The following HIF1A variants were observed in gnomAD, a reference collection of about 807,000 sequenced individuals.
HIF1A encodes the protein hypoxia-inducible factor 1-alpha.
A neutral mutation model predicts 92.7 loss-of-function variants in HIF1A; 24 were observed. The observed-to-expected ratio is 0.26, with a 90% CI of 0.19 to 0.36. HIF1A has a LOEUF of 0.36. Among genes scored for constraint, HIF1A ranks in the 10% least tolerant of loss-of-function variants. The pLI, the probability that HIF1A is intolerant of heterozygous loss-of-function variation, is 1.00. For missense variants in HIF1A, 799 were observed against 998.5 expected (o/e 0.80, Z 2.69); for synonymous variants, 319 against 338.7 (o/e 0.94, Z 0.64).
chr14:61,726,636 C>T (rs1477966452), intron 4 of HIF1A, 70 bp from the exon 5 acceptor site: 2 of 905,372 alleles, frequency 2.2e-6, no homozygotes, highest in Non-Finnish European at 3.4e-6. Flanking sequence ...GTGATGGGCA[C>T]TTTGTTACTT....
At chr14:61,705,563 T>C (rs923708556) in intron 1 of HIF1A, among the ~76,000 whole-genome samples, 5 of 152,148 alleles carry the variant, frequency 3.3e-5, no homozygotes, top group East Asian at 1.9e-4. Context: ...TAAAAAATAG[T>C]CCCAAATTTC....
In HIF1A at chr14:61,704,694, T is replaced by C. The variant is rs574010445; in HGVS notation, c.35+8855T>C. Among the ~76,000 whole-genome samples, 6 of 152,300 alleles carry C rather than the reference T, an allele frequency of 3.9e-5. No homozygotes were observed. The South Asian group carries it at 1.2e-3, about 32-fold the overall frequency. ...CTTGAATAATTTAAGTTGACTTATT[T>C]CAGTGGTTCAAAAAATTTCTTCAAC... On this transcript the variant is annotated intron_variant, in intron 1 of 14. Coordinates refer to ENST00000337138, the MANE Select transcript of HIF1A (RefSeq NM_001530.4).
In HIF1A at chr14:61,731,908, G is replaced by A. The variant is rs562354985; in HGVS notation, c.774-510G>A. Among the ~76,000 whole-genome samples the A allele has an allele frequency of 5.3e-5, 8 of 152,296 alleles. No individual in the cohort carries two copies. The East Asian group carries it at 1.2e-3, about 22-fold the overall frequency. On this transcript the variant is annotated intron_variant, in intron 6 of 14. Transcript: ENST00000337138. ...TCCCAGTACTTTGGGAGGCCAAGGCGGGTGAATTACCTGAGTTCAGGAGTT... is the reference window on the plus strand; with the variant it reads ...TCCCAGTACTTTGGGAGGCCAAGGCAGGTGAATTACCTGAGTTCAGGAGTT...
intron 1 of HIF1A, among the ~76,000 whole-genome samples, chr14:61,699,981 T>C (rs2044160975): frequency 6.6e-6 from 1 of 152,190 alleles, no homozygotes; most frequent in Admixed American, 6.5e-5. Flanking sequence ...TGTTCATGTT[T>C]TCTGCAGTAG....
rs568737687 is a variant in HIF1A, at chr14:61,746,853, G to A, written c.2330-81G>A. The A allele has an allele frequency of 4.2e-4, 475 of 1,131,350 alleles. 5 individuals carry two copies. In the South Asian group the frequency reaches 7.4e-3, roughly 18 times the overall value. The allele number at this position is 1,131,350 out of a possible 1,614,324, so 70.1% of individuals were successfully genotyped here. A position where few individuals can be genotyped will look rare whatever the true frequency, so the allele number is the denominator to read the frequency against. On this transcript the variant is annotated intron_variant, in intron 14 of 14. Transcript: ENST00000337138. ...TCCAGAATTTTGCTTTATTTTCTAT[G>A]ATACCTAACACATTGTGGGTGTTTA...
chr14:61,731,604 T>C (rs2044576461), intron 6 of HIF1A, among the ~76,000 whole-genome samples: 1 of 152,044 alleles, frequency 6.6e-6, no homozygotes, highest in Non-Finnish European at 1.5e-5. Flanking sequence ...TGGTTGATGA[T>C]ATTAGAATTG....
intron 1 of HIF1A, among the ~76,000 whole-genome samples, chr14:61,709,920 T>G (rs1290582393): frequency 6.6e-6 from 1 of 152,224 alleles, no homozygotes; most frequent in Admixed American, 6.5e-5. Flanking sequence ...TGTCAGTTCA[T>G]GGTGAATTTT....
intron 2 of HIF1A, among the ~76,000 whole-genome samples, chr14:61,721,231 A>G (rs987314876): frequency 1.3e-5 from 2 of 152,064 alleles, no homozygotes; most frequent in African/African-American, 4.8e-5. Flanking sequence ...GCAGAGTGAG[A>G]CTCCATCTCA....
intron 1 of HIF1A, among the ~76,000 whole-genome samples, chr14:61,711,712 GC>G (rs2140128343): frequency 6.6e-6 from 1 of 152,236 alleles, no homozygotes; most frequent in Admixed American, 6.5e-5. Context: ...TGTGGCTAAT[GC>G]CTGTGTTTGC....
chr14:61,728,201 T>C lies in HIF1A; in HGVS notation c.773+546T>C, dbSNP rs553271628. Among the ~76,000 whole-genome samples, 5 of 152,330 alleles carry C rather than the reference T, an allele frequency of 3.3e-5. No individual in the cohort carries two copies. In the East Asian group the frequency reaches 5.8e-4, roughly 18 times the overall value. On this transcript the variant is annotated intron_variant, in intron 6 of 14. Coordinates refer to ENST00000337138, the MANE Select transcript of HIF1A (RefSeq NM_001530.4). Reference sequence around the variant, plus strand: ...TATCCAGAAGTTAAGATGAGTCTTTTTTTCCCCAATAGGGGCTCTACTTAC... The same window carrying C: ...TATCCAGAAGTTAAGATGAGTCTTTCTTTCCCCAATAGGGGCTCTACTTAC...
intron 1 of HIF1A, among the ~76,000 whole-genome samples, chr14:61,714,027 A>G (rs537139869): frequency 2.0e-5 from 3 of 151,584 alleles, no homozygotes; most frequent in Non-Finnish European, 4.4e-5. Flanking sequence ...CAGAGGGGGG[A>G]AAAAAGCTGT....
intron 8 of HIF1A, among the ~76,000 whole-genome samples, chr14:61,735,594 G>C (rs186694995): frequency 2.8e-4 from 42 of 152,164 alleles, no homozygotes; most frequent in Non-Finnish European, 4.9e-4. Flanking sequence ...TAAGGTCAAG[G>C]GTTGGCTATT....
At chr14:61,728,217 CT>C (rs2044531703) in intron 6 of HIF1A, among the ~76,000 whole-genome samples, 1 of 152,154 alleles carries the variant, frequency 6.6e-6, no homozygotes. Flanking sequence ...CCAATAGGGG[CT>C]CTACTTACTT....
At chr14:61,708,777 G>A (rs2044274404) in intron 1 of HIF1A, among the ~76,000 whole-genome samples, 1 of 152,158 alleles carries the variant, frequency 6.6e-6, no homozygotes, top group African/African-American at 2.4e-5. Context: ...GGATTGACTT[G>A]GCAAGCATTC....
At chr14:61,722,278 A>C (rs892607431) in intron 4 of HIF1A, among the ~76,000 whole-genome samples, 2 of 152,116 alleles carry the variant, frequency 1.3e-5, no homozygotes, top group African/African-American at 4.8e-5. Flanking sequence ...TGTAGAGACA[A>C]AGTCTCACTA....
intron 1 of HIF1A, among the ~76,000 whole-genome samples, chr14:61,710,307 A>T (rs1382123833): frequency 6.6e-6 from 1 of 152,218 alleles, no homozygotes; most frequent in Non-Finnish European, 1.5e-5. Flanking sequence ...CTGGATAACA[A>T]CAAGCAATGT....
At position 61,712,316 on chromosome 14, in the gene HIF1A, G is replaced by C. The variant is rs567329504; in HGVS notation, c.36-8066G>C. 9.9e-5 allele frequency among the ~76,000 whole-genome samples: 15 copies of C among 152,068 alleles called. No homozygotes were observed. The South Asian group carries it at 3.1e-3, about 32-fold the overall frequency. On this transcript the variant is annotated intron_variant, in intron 1 of 14. Transcript: ENST00000337138. ...TTAAGAACAGTAAGGAGGCTAGTAT[G>C]GTTAGAACAGAATGAGCAAAGGGGG... is the stretch of plus-strand genomic sequence containing the variant.
chr14:61,747,114 G>A lies in HIF1A; in HGVS notation c.*29G>A. ...TTTTCTTAATTTCATTCCTTTTTTT[G>A]GACACTGGTGGCTCATTACCTAAAG... On this transcript the variant is annotated 3_prime_UTR_variant, in exon 15 of 15. Transcript: ENST00000337138. 1 of 1,585,158 alleles carries A rather than the reference G, an allele frequency of 6.3e-7. No individual in the cohort carries two copies.
intron 1 of HIF1A, among the ~76,000 whole-genome samples, chr14:61,701,480 G>A (rs2044175584): frequency 6.6e-6 from 1 of 151,714 alleles, no homozygotes. Flanking sequence ...CAAGTAGTTT[G>A]GGAGGATTTG....
Sources: allele counts gnomAD v4.1 joint callset (sites outside exome capture counted in the v4.1 genomes callset), GRCh38; gene constraint gnomAD v4.1.1; transcripts MANE v1.5; gene names NCBI Gene and HGNC (gene_info 2026-07-23, HGNC 2026-07-21).